The following CSMD1 variants were observed in gnomAD, a reference collection of about 807,000 sequenced individuals.
The protein encoded by CSMD1 is CUB and Sushi multiple domains 1, also known as CUB and sushi domain-containing protein 1.
A neutral mutation model predicts 417.5 loss-of-function variants in CSMD1; 213 were observed. That is an observed-to-expected ratio of 0.51 (90% confidence interval 0.46 to 0.57). CSMD1 has a LOEUF of 0.57. Ranked by LOEUF, CSMD1 falls within the 20% of genes least tolerant of loss-of-function variation. The pLI, the probability that CSMD1 is intolerant of heterozygous loss-of-function variation, is 0.00. For synonymous variants in CSMD1, 2,862 were observed against 1,736.8 expected (o/e 1.65, Z -16.11); for missense variants, 6,923 against 4,529.7 (o/e 1.53, Z -15.17).
At chr8:4,410,257 G>T (rs1796575862) in intron 3 of CSMD1, among the ~76,000 whole-genome samples, 1 of 152,142 alleles carries the variant, frequency 6.6e-6, no homozygotes, top group Non-Finnish European at 1.5e-5. Context: ...TCTAAGGTAG[G>T]TACCATTTAT....
intron 5 of CSMD1, chr8:3,949,959 C>T (rs574805016): frequency 1.2e-4 from 53 of 455,976 alleles, no homozygotes; most frequent in Admixed American, 9.4e-4. Flanking sequence ...TTCATGCCAG[C>T]AGAGCGACGT....
chr8:3,373,077 T>C (rs537338234), intron 18 of CSMD1, among the ~76,000 whole-genome samples: 5 of 152,356 alleles, frequency 3.3e-5, no homozygotes, highest in African/African-American at 7.2e-5. Context: ...AGATATCTTA[T>C]ATCCAAAGCT....
chr8:4,574,034 G>C (rs926978729), intron 2 of CSMD1, among the ~76,000 whole-genome samples: 3 of 152,268 alleles, frequency 2.0e-5, no homozygotes, highest in Non-Finnish European at 2.9e-5. Flanking sequence ...AGAATTCCCA[G>C]CCAGTGAATC....
chr8:4,153,905 T>C (rs1796694953), intron 3 of CSMD1, among the ~76,000 whole-genome samples: 1 of 152,228 alleles, frequency 6.6e-6, no homozygotes, highest in South Asian at 2.1e-4. Flanking sequence ...GATTCCATCA[T>C]CTAACCCAGC....
intron 25 of CSMD1, among the ~76,000 whole-genome samples, chr8:3,298,449 G>A (rs918933692): frequency 6.7e-6 from 1 of 150,238 alleles, no homozygotes; most frequent in African/African-American, 2.5e-5. Context: ...TAATAAAACT[G>A]TACAATCTCT....
At chr8:3,845,334 G>C (rs1016011536) in intron 5 of CSMD1, among the ~76,000 whole-genome samples, 3 of 152,158 alleles carry the variant, frequency 2.0e-5, no homozygotes, top group Admixed American at 6.5e-5. Context: ...GAGGCTCTAC[G>C]ATACAGCATG....
At chr8:3,687,110 C>G (rs911743909) in intron 7 of CSMD1, among the ~76,000 whole-genome samples, 1 of 152,174 alleles carries the variant, frequency 6.6e-6, no homozygotes, top group African/African-American at 2.4e-5. Flanking sequence ...ATGCAGGATC[C>G]TATACTAATT....
At chr8:3,381,982 G>T (rs13256842) in intron 18 of CSMD1, among the ~76,000 whole-genome samples, 30,797 of 152,050 alleles carry the variant, frequency 0.2, 3,377 homozygotes, top group Admixed American at 0.23. Context: ...ATCAGGCTGG[G>T]CGCGGTGGCT....
At chr8:4,438,839 G>T (rs192047459) in intron 2 of CSMD1, among the ~76,000 whole-genome samples, 1 of 152,174 alleles carries the variant, frequency 6.6e-6, no homozygotes, top group Non-Finnish European at 1.5e-5. Flanking sequence ...AAATTGAAAG[G>T]TGTATTATCT....
intron 3 of CSMD1, among the ~76,000 whole-genome samples, chr8:4,247,603 T>C (rs1432078669): frequency 6.6e-6 from 1 of 152,188 alleles, no homozygotes; most frequent in Non-Finnish European, 1.5e-5. Context: ...CTGCATTACA[T>C]AATTACAAGG....
chr8:4,101,762 C>G (rs1585315989), intron 3 of CSMD1, among the ~76,000 whole-genome samples: 2 of 152,178 alleles, frequency 1.3e-5, no homozygotes. Context: ...AAAGCTTTTG[C>G]TTAGGACAGC....
chr8:4,065,219 C>G (rs1585237259), intron 3 of CSMD1, among the ~76,000 whole-genome samples: 1 of 152,096 alleles, frequency 6.6e-6, no homozygotes, highest in African/African-American at 2.4e-5. Context: ...AGAAAATAGT[C>G]CTAAACACAT....
rs1338445031 is a variant in CSMD1 at position 3,274,527 on chromosome 8, G to A, written c.4153+9617C>T. 4.6e-5 allele frequency among the ~76,000 whole-genome samples: 7 copies of A among 152,230 alleles called. No homozygotes were observed. The South Asian group carries it at 8.3e-4, about 18-fold the overall frequency. ...TGATCTGTCTAAAGTTGACAGTGGG[G>A]TGTTAAAGTCTCCCATTATTAATGT... is the stretch of plus-strand genomic sequence containing the variant. On this transcript the variant is annotated intron_variant, in intron 26 of 69. Transcript: ENST00000635120.
intron 11 of CSMD1, among the ~76,000 whole-genome samples, chr8:3,480,355 G>T (rs1379887597): frequency 1.3e-5 from 2 of 152,084 alleles, no homozygotes; most frequent in African/African-American, 2.4e-5. Context: ...AATGGAGAAA[G>T]ACTCTGTCTC....
At chr8:3,254,918 C>A (rs1010905239) in intron 26 of CSMD1, among the ~76,000 whole-genome samples, 3 of 152,180 alleles carry the variant, frequency 2.0e-5, no homozygotes, top group South Asian at 2.1e-4. Flanking sequence ...TGGTGAGGAG[C>A]TGATTTCCTT....
chr8:4,838,887 G>T (rs1038327619), intron 1 of CSMD1, among the ~76,000 whole-genome samples: 1 of 152,140 alleles, frequency 6.6e-6, no homozygotes. Flanking sequence ...TTGTTCTACT[G>T]CCCAGAACTT....
intron 2 of CSMD1, among the ~76,000 whole-genome samples, chr8:4,460,791 T>A (rs1268768218): frequency 6.6e-6 from 1 of 152,188 alleles, no homozygotes; most frequent in African/African-American, 2.4e-5. Flanking sequence ...TTTAAAATTA[T>A]GCTAAAGAAA....
At chr8:4,054,645 G>C (rs1462795963) in intron 3 of CSMD1, among the ~76,000 whole-genome samples, 1 of 152,114 alleles carries the variant, frequency 6.6e-6, no homozygotes, top group Non-Finnish European at 1.5e-5. Context: ...CATAGGTAAT[G>C]AACAGGTCCT....
At chr8:3,038,382 T>C (rs899297847) in intron 50 of CSMD1, among the ~76,000 whole-genome samples, 2 of 152,254 alleles carry the variant, frequency 1.3e-5, no homozygotes, top group African/African-American at 2.4e-5. Context: ...ATAGTATGAC[T>C]GATCCAAGCA....
Sources: allele counts gnomAD v4.1 joint callset (sites outside exome capture counted in the v4.1 genomes callset), GRCh38; gene constraint gnomAD v4.1.1; transcripts MANE v1.5; gene names NCBI Gene and HGNC (gene_info 2026-07-23, HGNC 2026-07-21).